Variants in TIAM2 observed in about 807,000 individuals in gnomAD.
TIAM2 encodes the protein rho guanine nucleotide exchange factor TIAM2.
TIAM2 carries 80 observed loss-of-function variants against 152.9 expected under a neutral mutation model. That is an observed-to-expected ratio of 0.52 (90% CI 0.44 to 0.63). TIAM2 has a LOEUF of 0.63. Among genes scored for constraint, TIAM2 ranks in the 30% least tolerant of loss-of-function variants. The probability of loss-of-function intolerance (pLI) is 0.00; values close to 1 mark genes in which losing one functional copy is unlikely to be tolerated. For missense variants in TIAM2, 1,965 were observed against 2,120.1 expected, an observed-to-expected ratio of 0.93 and a Z score of 1.44; for synonymous variants, 804 against 838.0, an observed-to-expected ratio of 0.96 and a Z score of 0.70.
intron 1 of TIAM2, among the ~76,000 whole-genome samples, chr6:155,051,855 G>T (rs1356446137): frequency 6.6e-6 from 1 of 152,056 alleles, no homozygotes; most frequent in Non-Finnish European, 1.5e-5. Flanking sequence ...GGCCAGGATG[G>T]TCTCGAACTC....
chr6:155,199,423 G>A (rs1299794847), intron 14 of TIAM2, among the ~76,000 whole-genome samples: 1 of 152,126 alleles, frequency 6.6e-6, no homozygotes, highest in Non-Finnish European at 1.5e-5. Flanking sequence ...AATAGTGACA[G>A]TGAGTTGTGT....
rs180781903 is a variant in TIAM2 at position 155,095,205 on chromosome 6, G to A, written c.-118+4826G>A. Among the ~76,000 whole-genome samples, 24 of 152,230 alleles carry A rather than the reference G, an allele frequency of 1.6e-4. No individual in the cohort carries two copies. The East Asian group carries it at 3.9e-3, about 25-fold the overall frequency. On this transcript the variant is annotated intron_variant, in intron 2 of 26. Coordinates refer to ENST00000682666, the MANE Select transcript of TIAM2 (RefSeq NM_012454.4). ...CCAAACAGATGGAGCCTGTAACCTC[G>A]TTGACTCTGAGTGATATAACCGAGG... is the stretch of plus-strand genomic sequence containing the variant.
intron 20 of TIAM2, among the ~76,000 whole-genome samples, chr6:155,249,567 A>G (rs1370299593): frequency 6.6e-6 from 1 of 152,260 alleles, no homozygotes; most frequent in Non-Finnish European, 1.5e-5. Context: ...ATCCTTGCTA[A>G]GTAGAAAGTG....
intron 1 of TIAM2, among the ~76,000 whole-genome samples, chr6:155,025,851 C>T (rs1776591181): frequency 1.3e-5 from 2 of 150,164 alleles, no homozygotes; most frequent in Admixed American, 6.7e-5. Flanking sequence ...CACACACACA[C>T]ACACACACAC....
Position 155,251,942 on chromosome 6 carries a change from T to C in TIAM2, c.4061-3T>C, listed in dbSNP as rs1451693595. On this transcript the variant is annotated splice_polypyrimidine_tract_variant and splice_region_variant and intron_variant, in intron 22 of 26. Coordinates refer to ENST00000682666, the MANE Select transcript of TIAM2 (RefSeq NM_012454.4). ...GACTTTCTTTCTCTTTTCCTTTCTT[T>C]AGTTTTTAAGAGAGCCGTCATACTG... is the stretch of plus-strand genomic sequence containing the variant. 1 of 1,601,322 alleles carries C rather than the reference T, an allele frequency of 6.2e-7. No homozygotes were observed.
intron 1 of TIAM2, among the ~76,000 whole-genome samples, chr6:155,045,050 C>CTTTTTTT (rs200620585): frequency 4.5e-4 from 59 of 132,034 alleles, no homozygotes; most frequent in East Asian, 9.4e-4. Context: ...TTTTCTTTTT[C>CTTTTTTT]TTTTTTTTTT....
intron 1 of TIAM2, among the ~76,000 whole-genome samples, chr6:155,033,876 C>T (rs1346630286): frequency 6.6e-6 from 1 of 151,856 alleles, no homozygotes; most frequent in South Asian, 2.1e-4. Flanking sequence ...GCCACCACAC[C>T]CGGCTAATTT....
At position 155,209,925 on chromosome 6, in the gene TIAM2, C is replaced by G. The variant is rs529641757; in HGVS notation, c.3065-1279C>G. ...TAAAGGTTCTCCAGAAACCATCTTC[C>G]CTGCCCCCATCATGCTGGGCAGTTT... is the stretch of plus-strand genomic sequence containing the variant. On this transcript the variant is annotated intron_variant, in intron 14 of 26. Transcript: ENST00000682666. 6.6e-5 allele frequency among the ~76,000 whole-genome samples: 10 copies of G among 152,322 alleles called. No individual in the cohort carries two copies. The East Asian group carries it at 1.5e-3, about 24-fold the overall frequency.
Position 155,256,531 on chromosome 6 carries a change from T to C in TIAM2, c.4516T>C (p.Trp1506Arg), listed in dbSNP as rs771619500. Reference protein sequence around the residue: ...KVLKNSSSNEWTGETGKGTLL... With the variant: ...KVLKNSSSNERTGETGKGTLL... ...CCTGAAGAATTCCTCCAGCAACGAG[T>C]GGACCGGTGAGACTGGCAAGGGAAC... The change falls in exon 27 of 27, where the codon TGG becomes CGG. Residue 1506 changes from tryptophan (W) to arginine (R), a missense_variant. Physicochemically the swap from Trp to Arg is moderately radical, Grantham distance 101 (BLOSUM62 -3). Coordinates refer to ENST00000682666, the MANE Select transcript of TIAM2 (RefSeq NM_012454.4). 1.9e-6 allele frequency: 3 copies of C among 1,614,078 alleles called. No homozygotes were observed. The highest frequency in any genetic ancestry group is 2.5e-6 in the Non-Finnish European group (3 of 1,179,996).
intron 15 of TIAM2, among the ~76,000 whole-genome samples, chr6:155,221,727 A>G (rs1782051669): frequency 6.6e-6 from 1 of 152,102 alleles, no homozygotes; most frequent in Non-Finnish European, 1.5e-5. Context: ...CAAGTGTCCC[A>G]TGTCTGTCCT....
chr6:155,244,941 G>T, intron 18 of TIAM2, 158 bp downstream of exon 18: 2 of 934,070 alleles, frequency 2.1e-6, no homozygotes, highest in Non-Finnish European at 2.9e-6. Flanking sequence ...TCTGTCAGGT[G>T]GTAAAGGAAG....
At chr6:155,018,355 G>A (rs941440337) in intron 1 of TIAM2, among the ~76,000 whole-genome samples, 1 of 151,634 alleles carries the variant, frequency 6.6e-6, no homozygotes, top group Non-Finnish European at 1.5e-5. Flanking sequence ...TAAATTACAG[G>A]CCAGGTGCAG....
chr6:155,039,356 C>T lies in TIAM2; in HGVS notation c.-209+43864C>T, dbSNP rs1384376470. Among the ~76,000 whole-genome samples the T allele has an allele frequency of 3.9e-5, 6 of 152,180 alleles. No homozygotes were observed. In the East Asian group the frequency reaches 7.7e-4, roughly 20 times the overall value. ...TCATCCCCCTTTAGCAGTAATCAAG[C>T]CCACTCCACCCCTTTCTCTGTCTTC... On this transcript the variant is annotated intron_variant, in intron 1 of 26. Transcript: ENST00000682666.
intron 1 of TIAM2, among the ~76,000 whole-genome samples, chr6:155,033,890 C>G (rs1776869703): frequency 1.3e-5 from 2 of 151,796 alleles, no homozygotes. Context: ...CTAATTTTTG[C>G]ATTTTTAGTA....
intron 13 of TIAM2, among the ~76,000 whole-genome samples, chr6:155,182,773 A>T (rs889872720): frequency 1.3e-5 from 2 of 152,198 alleles, no homozygotes; most frequent in Admixed American, 6.5e-5. Flanking sequence ...ACATGGGAAC[A>T]CTAGAAAAAA....
chr6:155,072,939 G>A (rs1346880204), intron 1 of TIAM2, among the ~76,000 whole-genome samples: 3 of 152,158 alleles, frequency 2.0e-5, no homozygotes, highest in Non-Finnish European at 4.4e-5. Context: ...ATTATGTGAT[G>A]AATGAAAAGT....
intron 14 of TIAM2, among the ~76,000 whole-genome samples, chr6:155,193,174 G>C (rs886257906): frequency 2.6e-5 from 4 of 152,152 alleles, no homozygotes; most frequent in African/African-American, 9.7e-5. Flanking sequence ...GGAGGCCGAG[G>C]TGGGAGGATG....
intron 2 of TIAM2, among the ~76,000 whole-genome samples, chr6:155,104,252 C>G (rs1053120072): frequency 2.0e-5 from 3 of 152,018 alleles, no homozygotes; most frequent in African/African-American, 7.3e-5. Context: ...GTTTCTTTAT[C>G]TGTAATTCCA....
intron 15 of TIAM2, among the ~76,000 whole-genome samples, chr6:155,227,168 G>A (rs1327707630): frequency 6.6e-6 from 1 of 152,168 alleles, no homozygotes; most frequent in Non-Finnish European, 1.5e-5. Context: ...AGTGGGCTTT[G>A]GAAAAATCAT....
Sources: gnomAD v4.1 joint callset for allele counts (sites outside exome capture counted in the v4.1 genomes callset) on GRCh38, gnomAD v4.1.1 for gene constraint, MANE v1.5 for transcripts, NCBI Gene and HGNC (gene_info 2026-07-23, HGNC 2026-07-21) for gene names.